ARHGEF10L: variants seen among roughly 807,000 people sequenced by gnomAD.
ARHGEF10L encodes rho guanine nucleotide exchange factor 10-like protein.
A neutral mutation model predicts 141.2 loss-of-function variants in ARHGEF10L; 69 were observed. That is an observed-to-expected ratio of 0.49 (90% CI 0.40 to 0.60). The LOEUF (loss-of-function observed/expected upper bound fraction) is 0.60. Among genes scored for constraint, ARHGEF10L ranks in the 20% least tolerant of loss-of-function variants. The probability of loss-of-function intolerance (pLI) is 0.00; values close to 1 mark genes in which losing one functional copy is unlikely to be tolerated. For missense variants in ARHGEF10L, 1,482 were observed against 1,734.3 expected (o/e 0.85, Z 2.58); for synonymous variants, 711 against 718.5 (o/e 0.99, Z 0.17).
intron 1 of ARHGEF10L, among the ~76,000 whole-genome samples, chr1:17,542,381 C>T (rs764055030): frequency 6.6e-4 from 100 of 152,204 alleles, no homozygotes; most frequent in Non-Finnish European, 1.2e-3. Flanking sequence ...CCTGGAAGTT[C>T]GAGGCTGCAG....
chr1:17,516,660 C>T, the ARHGEF10L span, among the ~76,000 whole-genome samples: 2 of 152,286 alleles, frequency 1.3e-5, no homozygotes, highest in East Asian at 3.9e-4. Context: ...GCTGCAACCT[C>T]CTCCTTGCCA....
intron 9 of ARHGEF10L, among the ~76,000 whole-genome samples, chr1:17,616,698 A>T (rs1013918854): frequency 6.6e-6 from 1 of 152,210 alleles, no homozygotes; most frequent in African/African-American, 2.4e-5. Flanking sequence ...GGCATGGGAA[A>T]TGACAGGACA....
rs995181334 is a variant in ARHGEF10L at position 17,656,747 on chromosome 1, G to A, written c.2860+39G>A. The A allele has an allele frequency of 2.5e-6, 4 of 1,586,638 alleles. No individual in the cohort carries two copies. Among genetic ancestry groups the A allele is most frequent in the African/African-American group, 2.7e-5 (2 of 74,392 alleles). ...GGAATGGGGGAAGGGGGGCAGTCCT[G>A]GATGCCAGCTGGGTGCCAGATTCTC... On this transcript the variant is annotated intron_variant, in intron 25 of 28. Coordinates refer to ENST00000361221, the MANE Select transcript of ARHGEF10L (RefSeq NM_018125.4). The surrounding 1 kb of genome is among the most constrained non-coding windows in gnomAD (Gnocchi z 4.9).
intron 1 of ARHGEF10L, among the ~76,000 whole-genome samples, chr1:17,568,388 ATC>A (rs1344772487): frequency 6.6e-6 from 1 of 152,190 alleles, no homozygotes; most frequent in Non-Finnish European, 1.5e-5. Context: ...AGTGGATGGC[ATC>A]TGTGTCACAG....
At chr1:17,589,186 G>A (rs560436987) in intron 4 of ARHGEF10L, among the ~76,000 whole-genome samples, 4 of 152,208 alleles carry the variant, frequency 2.6e-5, no homozygotes, top group South Asian at 4.2e-4. Context: ...ATGGGCTATC[G>A]GGTAAGATGC....
At chr1:17,651,383 A>G (rs1312082696) in intron 22 of ARHGEF10L, among the ~76,000 whole-genome samples, 3 of 152,204 alleles carry the variant, frequency 2.0e-5, no homozygotes, top group Non-Finnish European at 2.9e-5. Context: ...ACCATGGAGT[A>G]GGGAGTATCA....
chr1:17,668,464 C>T (rs996713076), intron 26 of ARHGEF10L, among the ~76,000 whole-genome samples: 10 of 151,998 alleles, frequency 6.6e-5, no homozygotes, highest in Non-Finnish European at 1.5e-4. Flanking sequence ...CAGAGCTCAG[C>T]TCTGGCGTGA....
intron 1 of ARHGEF10L, among the ~76,000 whole-genome samples, chr1:17,549,694 A>G (rs2077042831): frequency 6.6e-6 from 1 of 152,222 alleles, no homozygotes; most frequent in African/African-American, 2.4e-5. Context: ...CTGTTACTCT[A>G]GGTGCAAAAG....
intron 17 of ARHGEF10L, 60 bp from the exon 18 acceptor site, chr1:17,634,775 C>G: frequency 6.5e-7 from 1 of 1,526,978 alleles, no homozygotes; most frequent in Non-Finnish European, 8.8e-7. Context: ...ATGCCCTGGG[C>G]CAGCCCTGGG....
chr1:17,630,015 T>G (rs2060591763), intron 15 of ARHGEF10L, among the ~76,000 whole-genome samples: 1 of 152,214 alleles, frequency 6.6e-6, no homozygotes, highest in South Asian at 2.1e-4. Context: ...GGCAAAGGAC[T>G]AGAGGCTCTA....
chr1:17,666,903 C>A (rs1236656706), intron 26 of ARHGEF10L, among the ~76,000 whole-genome samples: 7 of 142,216 alleles, frequency 4.9e-5, no homozygotes, highest in Non-Finnish European at 1.1e-4. Context: ...CCTTGCACTT[C>A]CTTGGCCTTC....
intron 2 of ARHGEF10L, among the ~76,000 whole-genome samples, chr1:17,586,975 C>T (rs1483132110): frequency 6.6e-6 from 1 of 152,152 alleles, no homozygotes; most frequent in Non-Finnish European, 1.5e-5. Flanking sequence ...GCCTCCAAGT[C>T]CAGGCATTCC....
Position 17,573,952 on chromosome 1 carries a change from C to T in ARHGEF10L, c.-43-6601C>T, listed in dbSNP as rs1392619667. 6.6e-6 allele frequency among the ~76,000 whole-genome samples: 1 copy of T among 152,174 alleles called. No individual in the cohort carries two copies. Among genetic ancestry groups the T allele is most frequent in the Non-Finnish European group, 1.5e-5 (1 of 68,016 alleles). ...GGCAGGCCCCCTTCTCAGAGCTCCC[C>T]TCCCCCTCCCTGGTGAAGAGGAAAG... On this transcript the variant is annotated intron_variant, in intron 1 of 28. Coordinates refer to ENST00000361221, the MANE Select transcript of ARHGEF10L (RefSeq NM_018125.4). The surrounding 1 kb of genome is among the most constrained non-coding windows in gnomAD (Gnocchi z 4.8).
Position 17,607,911 on chromosome 1 carries a change from G to T in ARHGEF10L, c.543G>T (p.Ser181=). The change falls in exon 7 of 29, where the codon TCG becomes TCT. Residue 181 remains serine (S), a synonymous_variant. Coordinates refer to ENST00000361221, the MANE Select transcript of ARHGEF10L (RefSeq NM_018125.4). This position sits in a 1 kb window ranked among gnomAD's most constrained non-coding sequence, Gnocchi z 4.5. ...AGTTCGAGAGCTACAGCGAGGACTCGGGGGAGGAGGCCAAGCCGGAGGTCG... is the reference window on the plus strand; with the variant it reads ...AGTTCGAGAGCTACAGCGAGGACTCTGGGGAGGAGGCCAAGCCGGAGGTCG... ...SSEFESYSED[S]GEEAKPEVEV... 6.5e-7 allele frequency: 1 copy of T among 1,536,516 alleles called. No homozygotes were observed. Among genetic ancestry groups the T allele is most frequent in the Non-Finnish European group, 8.7e-7 (1 of 1,145,068 alleles).
In ARHGEF10L at chr1:17,619,991, C is replaced by T. The variant is rs2060019878; in HGVS notation, c.942+546C>T. 6.6e-6 allele frequency among the ~76,000 whole-genome samples: 1 copy of T among 152,074 alleles called. No homozygotes were observed. The highest frequency in any genetic ancestry group is 1.5e-5 in the Non-Finnish European group (1 of 68,016). ...GTCAGCTGAGGTCAGGAGTTCGAGA[C>T]CATCCTGGCCAACATGGTGAAACCC... is the stretch of plus-strand genomic sequence containing the variant. On this transcript the variant is annotated intron_variant, in intron 10 of 28. Transcript: ENST00000361221. This position sits in a 1 kb window ranked among gnomAD's most constrained non-coding sequence, Gnocchi z 5.0.
rs768023504 is a variant in ARHGEF10L, at chr1:17,587,513, C to T, written c.91C>T (p.Pro31Ser). Residue 31 changes from proline to serine, a missense_variant, in exon 3 of 29, where the codon CCA becomes TCA. Around this residue, in one of 3 missense-constraint regions of ARHGEF10L, gnomAD observed 232 missense variants for 225.9 expected, o/e 1.03. Coordinates refer to ENST00000361221, the MANE Select transcript of ARHGEF10L (RefSeq NM_018125.4). Reference sequence around the variant, plus strand: ...CCCCTCCTCTGAGGCAGAGGACGACCCAGGAGAGGCGTTTGAGTTTGATGA... The same window carrying T: ...CCCCTCCTCTGAGGCAGAGGACGACTCAGGAGAGGCGTTTGAGTTTGATGA... The part of the protein sequence containing the change: ...PGPSSEAEDD[P>S]GEAFEFDDSD... 5 of 1,614,166 alleles carry T rather than the reference C, an allele frequency of 3.1e-6. No individual in the cohort carries two copies. Among genetic ancestry groups the T allele is most frequent in the Non-Finnish European group, 4.2e-6 (5 of 1,180,016 alleles).
At chr1:17,630,441 G>A (rs757838370) in intron 15 of ARHGEF10L, among the ~76,000 whole-genome samples, 4 of 152,224 alleles carry the variant, frequency 2.6e-5, no homozygotes, top group South Asian at 2.1e-4. Context: ...TTCAAGGTCC[G>A]AGTAGTGGTC....
chr1:17,688,856 T>A (rs1199763687), intron 27 of ARHGEF10L, among the ~76,000 whole-genome samples: 1 of 152,046 alleles, frequency 6.6e-6, no homozygotes, highest in African/African-American at 2.4e-5. Flanking sequence ...TCACCCTGGT[T>A]TCTGCTTCCC....
At chr1:17,550,068 A>AGAGGAAAGGC in intron 1 of ARHGEF10L, among the ~76,000 whole-genome samples, 2 of 152,342 alleles carry the variant, frequency 1.3e-5, no homozygotes, top group South Asian at 4.1e-4. Flanking sequence ...GCTGGGAACC[A>AGAGGAAAGGC]GAGGAAAGGC....
Sources: allele counts gnomAD v4.1 joint callset (sites outside exome capture counted in the v4.1 genomes callset), GRCh38; gene constraint gnomAD v4.1.1; regional missense constraint gnomAD v4.1.1; non-coding constraint Gnocchi (gnomAD v3.1); transcripts MANE v1.5; gene names NCBI Gene and HGNC (gene_info 2026-07-23, HGNC 2026-07-21).